The following PATJ variants were observed in gnomAD, a reference collection of about 807,000 sequenced individuals.
PATJ encodes inaD-like protein.
Under a neutral mutation model 224.9 loss-of-function variants are expected in PATJ, and 190 were observed. The ratio of observed to expected loss-of-function variants is 0.84; its 90% CI spans 0.75 to 0.95. PATJ has a LOEUF of 0.95. PATJ is among the 40% of genes least tolerant of loss of function. The probability of loss-of-function intolerance (pLI) is 0.00; values close to 1 mark genes in which losing one functional copy is unlikely to be tolerated. For missense variants in PATJ, 2,121 were observed against 2,270.3 expected (o/e 0.93, Z 1.34); for synonymous variants, 769 against 820.3 (o/e 0.94, Z 1.07).
At chr1:61,934,473 T>C (rs1039928277) in intron 27 of PATJ, among the ~76,000 whole-genome samples, 3 of 152,174 alleles carry the variant, frequency 2.0e-5, no homozygotes, top group Non-Finnish European at 2.9e-5. Flanking sequence ...TCACAGTCTC[T>C]TGAGTACCTG....
At chr1:61,780,323 G>A (rs544561627) in intron 7 of PATJ, among the ~76,000 whole-genome samples, 2 of 152,214 alleles carry the variant, frequency 1.3e-5, no homozygotes, top group East Asian at 3.9e-4. Context: ...AAATTAGCCA[G>A]GTGTGGAGGT....
chr1:61,856,365 G>T (rs1439218112), intron 18 of PATJ, 126 bp downstream of exon 18: 2 of 718,312 alleles, frequency 2.8e-6, no homozygotes, highest in Non-Finnish European at 4.7e-6. Context: ...GTGACCTTGG[G>T]CAGGTTTCTT....
intron 17 of PATJ, among the ~76,000 whole-genome samples, chr1:61,846,374 A>G (rs1239185734): frequency 1.3e-5 from 2 of 152,160 alleles, no homozygotes; most frequent in Non-Finnish European, 2.9e-5. Flanking sequence ...CAAAATCAGT[A>G]TTTGCAAAGC....
intron 31 of PATJ, among the ~76,000 whole-genome samples, chr1:62,070,971 A>G (rs1657290493): frequency 6.6e-6 from 1 of 152,214 alleles, no homozygotes; most frequent in South Asian, 2.1e-4. Flanking sequence ...GTCACTATCT[A>G]TTGTATTGTT....
chr1:62,089,403 T>A (rs78567391), intron 33 of PATJ, among the ~76,000 whole-genome samples: 3 of 141,888 alleles, frequency 2.1e-5, no homozygotes, highest in African/African-American at 8.0e-5. Context: ...AAAAAAAAAA[T>A]CAAGAGCTTC....
At chr1:61,983,964 A>G (rs1569615484) in intron 27 of PATJ, among the ~76,000 whole-genome samples, 1 of 151,522 alleles carries the variant, frequency 6.6e-6, no homozygotes, top group Non-Finnish European at 1.5e-5. Context: ...AGCTGGGACT[A>G]CAGGTGTCCA....
intron 41 of PATJ, among the ~76,000 whole-genome samples, chr1:62,146,582 T>C (rs1299547237): frequency 6.6e-6 from 1 of 151,808 alleles, no homozygotes; most frequent in African/African-American, 2.4e-5. Context: ...TCGAGACCAG[T>C]CTGACCAACA....
chr1:61,780,875 G>T (rs765673104), intron 7 of PATJ, among the ~76,000 whole-genome samples: 1 of 152,124 alleles, frequency 6.6e-6, no homozygotes, highest in Admixed American at 6.6e-5. Context: ...TCTGATTTTC[G>T]CCCTTTACTG....
intron 43 of PATJ, among the ~76,000 whole-genome samples, chr1:62,160,280 A>AC (rs1669720215): frequency 6.6e-6 from 1 of 152,190 alleles, no homozygotes; most frequent in Non-Finnish European, 1.5e-5. Flanking sequence ...GACTGAGTAT[A>AC]TAATAAAAGT....
chr1:61,841,595 C>T (rs1256752242), intron 17 of PATJ, among the ~76,000 whole-genome samples: 4 of 90,064 alleles, frequency 4.4e-5, no homozygotes, highest in South Asian at 4.8e-4. Flanking sequence ...TTTTTTTTCT[C>T]TTGCCTTTTT....
At chr1:61,917,464 A>G (rs1673614979) in intron 26 of PATJ, among the ~76,000 whole-genome samples, 1 of 150,912 alleles carries the variant, frequency 6.6e-6, no homozygotes, top group African/African-American at 2.4e-5. Context: ...CCAGTGAAAG[A>G]AGTATGTGCA....
intron 22 of PATJ, among the ~76,000 whole-genome samples, chr1:61,889,344 A>G (rs1361929178): frequency 1.3e-5 from 2 of 152,156 alleles, no homozygotes; most frequent in Non-Finnish European, 2.9e-5. Flanking sequence ...GCCCCTTGAA[A>G]GGAGAGATCT....
chr1:61,815,805 A>C (rs1655984496), intron 14 of PATJ, among the ~76,000 whole-genome samples: 2 of 152,204 alleles, frequency 1.3e-5, no homozygotes, highest in Non-Finnish European at 2.9e-5. Context: ...ACAGTGACTT[A>C]AGCATTAGCT....
intron 14 of PATJ, among the ~76,000 whole-genome samples, chr1:61,809,847 C>A (rs1003041591): frequency 9.5e-6 from 1 of 104,948 alleles, no homozygotes; most frequent in Non-Finnish European, 2.3e-5. Context: ...ATTTTCTTTT[C>A]TTTCTTTTTT....
chr1:61,820,485 G>A (rs1657039483), intron 14 of PATJ, among the ~76,000 whole-genome samples: 1 of 152,114 alleles, frequency 6.6e-6, no homozygotes, highest in African/African-American at 2.4e-5. Context: ...TGGGATTACA[G>A]GCATGTGCCA....
At chr1:61,915,562 G>A (rs1458124016) in intron 26 of PATJ, among the ~76,000 whole-genome samples, 1 of 151,970 alleles carries the variant, frequency 6.6e-6, no homozygotes, top group African/African-American at 2.4e-5. Context: ...TTGGAATTTT[G>A]TTGAATCTAT....
intron 16 of PATJ, among the ~76,000 whole-genome samples, chr1:61,831,635 A>G (rs1659342539): frequency 6.6e-6 from 1 of 152,212 alleles, no homozygotes; most frequent in South Asian, 2.1e-4. Context: ...ATGAGATACC[A>G]TCTCATACCA....
intron 29 of PATJ, among the ~76,000 whole-genome samples, chr1:62,026,020 G>C (rs566441330): frequency 6.6e-6 from 1 of 152,224 alleles, no homozygotes; most frequent in Admixed American, 6.5e-5. Context: ...GTAGAATGTG[G>C]GTCTAGAAAC....
intron 31 of PATJ, among the ~76,000 whole-genome samples, chr1:62,066,832 G>C (rs1656527525): frequency 6.6e-6 from 1 of 152,162 alleles, no homozygotes; most frequent in Non-Finnish European, 1.5e-5. Flanking sequence ...GGGTGCTGCT[G>C]ATTGGTTGGG....
Sources: gnomAD v4.1 joint callset for allele counts (sites outside exome capture counted in the v4.1 genomes callset) on GRCh38, gnomAD v4.1.1 for gene constraint, MANE v1.5 for transcripts, NCBI Gene and HGNC (gene_info 2026-07-23, HGNC 2026-07-21) for gene names.